DMD: variants seen among roughly 807,000 people sequenced by gnomAD.
The protein encoded by DMD is dystrophin, also known as mutant dystrophin.
DMD carries 63 observed loss-of-function variants against 330.1 expected under a neutral mutation model. That is an observed-to-expected ratio of 0.19 (90% CI 0.16 to 0.24). DMD has a LOEUF of 0.24. Ranked by LOEUF, DMD falls within the 10% of genes least tolerant of loss-of-function variation. The probability of loss-of-function intolerance (pLI) is 1.00; values close to 1 mark genes in which losing one functional copy is unlikely to be tolerated. For missense variants in DMD, 3,344 were observed against 2,684.1 expected, an observed-to-expected ratio of 1.25 and a Z score of -5.43; for synonymous variants, 1,223 against 959.8, an observed-to-expected ratio of 1.27 and a Z score of -5.07.
intron 2 of DMD, among the ~76,000 whole-genome samples, chrX:32,902,086 TAA>T (rs2086297610): frequency 9.3e-6 from 1 of 107,505 alleles, no homozygotes; most frequent in Admixed American, 1.0e-4. Context: ...ATACGAATGT[TAA>T]GAGTGCAATA....
chrX:31,607,449 G>C (rs771971690), intron 55 of DMD, among the ~76,000 whole-genome samples: 3 of 112,103 alleles, frequency 2.7e-5, no homozygotes, highest in Non-Finnish European at 5.6e-5. Flanking sequence ...CAAACTCCTT[G>C]TGACATTTTA....
In DMD at chrX:32,110,556, C is replaced by G. The variant is rs563679700; in HGVS notation, c.6438+106360G>C. Among the ~76,000 whole-genome samples the G allele has an allele frequency of 1.3e-4, 14 of 111,586 alleles. No individual in the cohort carries two copies. In the South Asian group the frequency reaches 5.3e-3, roughly 42 times the overall value. On this transcript the variant is annotated intron_variant, in intron 44 of 78. Transcript: ENST00000357033. The stretch of plus-strand genomic sequence containing the variant: ...GGTAAACACAACTACCCATATTGTT[C>G]TCTTCCTTTAGACTCTAACTGGAGA...
intron 9 of DMD, among the ~76,000 whole-genome samples, chrX:32,679,636 G>T (rs1266209941): frequency 9.1e-6 from 1 of 110,157 alleles, no homozygotes; most frequent in Non-Finnish European, 1.9e-5. Context: ...TAAAGATGGG[G>T]GTGATGAAAA....
chrX:33,268,874 C>A (rs1252004195), intron 1 of DMD, among the ~76,000 whole-genome samples: 1 of 95,132 alleles, frequency 1.1e-5, no homozygotes, highest in Non-Finnish European at 2.0e-5. Context: ...TGCAGTGAGC[C>A]AGGATTGCCC....
At chrX:32,804,871 G>A (rs2076840500) in intron 7 of DMD, among the ~76,000 whole-genome samples, 1 of 112,198 alleles carries the variant, frequency 8.9e-6, no homozygotes, top group African/African-American at 3.2e-5. Flanking sequence ...CAGCAAACCT[G>A]CAGCAGAGGG....
intron 7 of DMD, among the ~76,000 whole-genome samples, chrX:32,783,283 CATAT>C (rs1204258308): frequency 3.3e-5 from 3 of 90,590 alleles, no homozygotes; most frequent in East Asian, 3.2e-4. Flanking sequence ...ATATATACAC[CATAT>C]ATACACACAT....
At chrX:32,335,753 A>T (rs190455860) in intron 41 of DMD, among the ~76,000 whole-genome samples, 208 of 106,722 alleles carry the variant, frequency 1.9e-3, no homozygotes, top group African/African-American at 6.5e-3. Flanking sequence ...GTATATAGGC[A>T]TAACATGTAT....
chrX:33,128,539 C>T lies in DMD; in HGVS notation c.31+82743G>A, dbSNP rs148734275. On this transcript the variant is annotated intron_variant, in intron 1 of 78. Coordinates refer to ENST00000357033, the MANE Select transcript of DMD (RefSeq NM_004006.3). ...TCAGTTCCTCTAGAAATAACTGTGTCGTCTGCTTTATATAGGATTTATCTG... is the reference window on the plus strand; with the variant it reads ...TCAGTTCCTCTAGAAATAACTGTGTTGTCTGCTTTATATAGGATTTATCTG... 3.6e-3 allele frequency: 2,512 copies of T among 703,961 alleles called. 55 individuals carry two copies. In the African/African-American group the frequency reaches 0.054, roughly 15 times the overall value. 58.0% of individuals were successfully genotyped at this position (703,961 alleles called of 1,213,427 possible).
intron 1 of DMD, among the ~76,000 whole-genome samples, chrX:33,249,584 T>C (rs1247274684): frequency 3.6e-5 from 4 of 111,808 alleles, no homozygotes; most frequent in Non-Finnish European, 7.5e-5. Flanking sequence ...TAAAGATACA[T>C]TGCACTCTTG....
chrX:33,070,702 T>TATATATAA (rs1557246986), intron 1 of DMD, among the ~76,000 whole-genome samples: 7 of 94,334 alleles, frequency 7.4e-5, no homozygotes, highest in African/African-American at 2.7e-4. Flanking sequence ...TATATATATA[T>TATATATAA]ATATATATGT....
intron 46 of DMD, among the ~76,000 whole-genome samples, chrX:31,931,765 A>T (rs1334331928): frequency 9.0e-6 from 1 of 111,541 alleles, no homozygotes; most frequent in Non-Finnish European, 1.9e-5. Context: ...ATCTAAAATT[A>T]ATTTCAAATC....
chrX:31,623,423 C>G (rs927901989), intron 55 of DMD, among the ~76,000 whole-genome samples: 19 of 110,665 alleles, frequency 1.7e-4, no homozygotes, highest in African/African-American at 6.3e-4. Flanking sequence ...TCCACCACAC[C>G]CGGCTAATTT....
rs539967166 is a variant in DMD at position 32,427,637 on chromosome X, T to A, written c.4071+10604A>T. On this transcript the variant is annotated intron_variant, in intron 29 of 78. Coordinates refer to ENST00000357033, the MANE Select transcript of DMD (RefSeq NM_004006.3). ...TGATTTTGGTAAAAAAAAAAAAAAA[T>A]TTTCTAACCTTATATTTTCCAGACA... 1.5e-3 allele frequency among the ~76,000 whole-genome samples: 162 copies of A among 106,950 alleles called. 1 individual carries two copies. In the South Asian group the frequency reaches 0.028, roughly 19 times the overall value. The allele number at this position is 106,950 out of a possible 115,157, so 92.9% of individuals were successfully genotyped here. A position where few individuals can be genotyped will look rare whatever the true frequency, so the allele number is the denominator to read the frequency against.
In DMD at chrX:32,389,642, T is replaced by C. The variant is rs2097986992; in HGVS notation, c.4377A>G (p.Arg1459=). The change falls in exon 32 of 79, where the codon CGA becomes CGG. Residue 1459 remains arginine (R), a synonymous_variant. Transcript: ENST00000357033. The part of the protein sequence containing the change: ...KKLQDVSMKF[R]LFQKPANFEQ... ...CAAAATTGGCTGGTTTCTGGAATAA[T>C]CGAAACTTCATGGAGACATCTTGTA... is the stretch of plus-strand genomic sequence containing the variant. 37 of 1,209,108 alleles carry C rather than the reference T, an allele frequency of 3.1e-5. No individual in the cohort carries two copies. Among genetic ancestry groups the C allele is most frequent in the Non-Finnish European group, 4.0e-5 (36 of 894,758 alleles).
chrX:31,831,573 T>C (rs972794448), intron 49 of DMD, among the ~76,000 whole-genome samples: 1 of 111,948 alleles, frequency 8.9e-6, no homozygotes, highest in African/African-American at 3.2e-5. Context: ...TCCAAGACTT[T>C]TTTTTCAGTT....
At position 31,169,633 on chromosome X, in the gene DMD, T is replaced by TC. The variant is rs746382571; in HGVS notation, c.10395-33dup. On this transcript the variant is annotated intron_variant, in intron 73 of 78. Coordinates refer to ENST00000357033, the MANE Select transcript of DMD (RefSeq NM_004006.3). ...AATAAAATCAAAGGTTTTGGTTTTT[T>TC]CCCCCCCTTATTTTGCTTTGGGGGT... The TC allele has an allele frequency of 6.4e-5, 75 of 1,166,025 alleles. No homozygotes were observed. In the East Asian group the frequency reaches 7.1e-4, roughly 11 times the overall value.
chrX:32,621,011 C>G (rs2057947489), intron 11 of DMD, among the ~76,000 whole-genome samples: 1 of 110,996 alleles, frequency 9.0e-6, no homozygotes, highest in East Asian at 2.9e-4. Flanking sequence ...CAACACAGCC[C>G]CTTGCTATCT....
intron 7 of DMD, among the ~76,000 whole-genome samples, chrX:32,725,040 T>C (rs1405656838): frequency 5.4e-5 from 6 of 111,492 alleles, no homozygotes; most frequent in Non-Finnish European, 7.6e-5. Flanking sequence ...ACTTAATAAA[T>C]AGTCATTGTT....
In DMD at chrX:32,408,908, CT is replaced by C. The variant is rs1233526127; in HGVS notation, c.4233+2843del. ...TCTATCTATCTATCTATCTATCTAT[CT>C]ATCCATCCATCAATCCATACATCCA... On this transcript the variant is annotated intron_variant, in intron 30 of 78. Coordinates refer to ENST00000357033, the MANE Select transcript of DMD (RefSeq NM_004006.3). Among the ~76,000 whole-genome samples, 946 of 107,611 alleles carry C rather than the reference CT, an allele frequency of 8.8e-3. 9 individuals are homozygous for C. The highest frequency in any genetic ancestry group is 0.029 in the African/African-American group (829 of 28,435). 93.4% of individuals were successfully genotyped at this position (107,611 alleles called of 115,157 possible).
Sources: gnomAD v4.1 joint callset for allele counts (sites outside exome capture counted in the v4.1 genomes callset) on GRCh38, gnomAD v4.1.1 for gene constraint, MANE v1.5 for transcripts, NCBI Gene and HGNC (gene_info 2026-07-23, HGNC 2026-07-21) for gene names.